The following FAM83B variants were observed in gnomAD, a reference collection of about 807,000 sequenced individuals.
The protein encoded by FAM83B is scaffolding CK1 anchoring protein B, also known as protein FAM83B.
FAM83B carries 26 observed loss-of-function variants against 38.8 expected under a neutral mutation model. That is an observed-to-expected ratio of 0.67 (90% CI 0.49 to 0.93). FAM83B has a LOEUF of 0.93. Ranked by LOEUF, FAM83B falls within the 40% of genes least tolerant of loss-of-function variation. FAM83B has a pLI of 0.00. For missense variants in FAM83B, 1,237 were observed against 1,197.3 expected, an observed-to-expected ratio of 1.03 and a Z score of -0.49; for synonymous variants, 419 against 423.1, an observed-to-expected ratio of 0.99 and a Z score of 0.12.
Position 54,944,691 on chromosome 6 carries a change from T to G in FAM83B, c.*2684T>G, listed in dbSNP as rs1773766026. 6.6e-6 allele frequency: 1 copy of G among 152,168 alleles called. No individual in the cohort carries two copies. The highest frequency in any genetic ancestry group is 1.5e-5 in the Non-Finnish European group (1 of 68,028). 9.4% of individuals were successfully genotyped at this position (152,168 alleles called of 1,614,324 possible). A position where few individuals can be genotyped will look rare whatever the true frequency, so the allele number is the denominator to read the frequency against. ...ACATATTCAAGTATCATTCCACAGA[T>G]ATTCACAGAACACAGAAATATCTGT... On this transcript the variant is annotated 3_prime_UTR_variant, in exon 5 of 5. Transcript: ENST00000306858.
At chr6:54,854,454 A>G (rs532036154) in intron 1 of FAM83B, among the ~76,000 whole-genome samples, 1 of 152,238 alleles carries the variant, frequency 6.6e-6, no homozygotes, top group South Asian at 2.1e-4. Context: ...CCCTTCAGCA[A>G]CCACCACCCT....
At chr6:54,880,878 A>G (rs1254019241) in intron 2 of FAM83B, among the ~76,000 whole-genome samples, 1 of 151,872 alleles carries the variant, frequency 6.6e-6, no homozygotes, top group Non-Finnish European at 1.5e-5. Context: ...AAATTTTCTT[A>G]CCTATTAAAT....
chr6:54,941,227 C>T lies in FAM83B; in HGVS notation c.2256C>T (p.Asn752=). The T allele has an allele frequency of 1.9e-6, 3 of 1,613,388 alleles. No homozygotes were observed. In the African/African-American group the frequency reaches 4.0e-5, roughly 22 times the overall value. Residue 752 remains asparagine, a synonymous_variant, in exon 5 of 5, where the codon AAC becomes AAT. Coordinates refer to ENST00000306858, the MANE Select transcript of FAM83B (RefSeq NM_001010872.3). ...TTGATGTGAATAAAGAGGAATCTAA[C>T]AAAGAACTTGCTTCAAAGAAGGAAG... ...ALLDVNKEES[N]KELASKKEVK...
intron 2 of FAM83B, among the ~76,000 whole-genome samples, chr6:54,913,840 A>G (rs1385396999): frequency 6.6e-6 from 1 of 151,826 alleles, no homozygotes; most frequent in African/African-American, 2.4e-5. Context: ...CTTAAAGCAA[A>G]TTTCATGCAT....
At chr6:54,868,537 C>T (rs1172033950) in intron 1 of FAM83B, among the ~76,000 whole-genome samples, 1 of 151,974 alleles carries the variant, frequency 6.6e-6, no homozygotes, top group Admixed American at 6.6e-5. Flanking sequence ...ATTTTATTTC[C>T]CCATGCGATA....
chr6:54,884,481 CAAAAA>C (rs769913282), intron 2 of FAM83B, among the ~76,000 whole-genome samples: 3 of 71,110 alleles, frequency 4.2e-5, no homozygotes, highest in Admixed American at 1.7e-4. Context: ...GACTCTGTCT[CAAAAA>C]AAAAAAAAAA....
intron 4 of FAM83B, among the ~76,000 whole-genome samples, chr6:54,933,980 C>G (rs1199128934): frequency 6.6e-6 from 1 of 152,050 alleles, no homozygotes; most frequent in Non-Finnish European, 1.5e-5. Context: ...AATGAGCTGG[C>G]CAAACATCAC....
At chr6:54,848,192 T>G (rs1771186331) in intron 1 of FAM83B, among the ~76,000 whole-genome samples, 2 of 152,034 alleles carry the variant, frequency 1.3e-5, no homozygotes, top group Non-Finnish European at 2.9e-5. Context: ...GGAGTGCAGG[T>G]CTTTGTTGCG....
intron 4 of FAM83B, among the ~76,000 whole-genome samples, chr6:54,938,770 T>C (rs1043437181): frequency 6.6e-6 from 1 of 152,212 alleles, no homozygotes; most frequent in African/African-American, 2.4e-5. Flanking sequence ...ATTATTCCTT[T>C]GTTGGATGCA....
At chr6:54,888,955 A>G (rs1471211279) in intron 2 of FAM83B, among the ~76,000 whole-genome samples, 1 of 151,882 alleles carries the variant, frequency 6.6e-6, no homozygotes, top group Non-Finnish European at 1.5e-5. Context: ...TGTTTTTTAT[A>G]ATTTTCTCTC....
chr6:54,940,062 C>T lies in FAM83B; in HGVS notation c.1091C>T (p.Pro364Leu), dbSNP rs1263448615. Residue 364 changes from proline (P) to leucine (L), a missense_variant, in exon 5 of 5, where the codon CCT becomes CTT. Coordinates refer to ENST00000306858, the MANE Select transcript of FAM83B (RefSeq NM_001010872.3). ...RSHGYKPHFV[P>L]NFNGPNAIRQ... is the part of the protein sequence containing the mutation. ...CACGGATACAAACCTCATTTTGTTCCTAACTTTAATGGTCCAAACGCAATA... is the reference window on the plus strand; with the variant it reads ...CACGGATACAAACCTCATTTTGTTCTTAACTTTAATGGTCCAAACGCAATA... The T allele has an allele frequency of 1.2e-6, 2 of 1,613,818 alleles. No individual in the cohort carries two copies. The highest frequency in any genetic ancestry group is 1.7e-5 in the Admixed American group (1 of 59,958).
chr6:54,866,461 T>G (rs1294103428), intron 1 of FAM83B, among the ~76,000 whole-genome samples: 1 of 152,140 alleles, frequency 6.6e-6, no homozygotes, highest in Non-Finnish European at 1.5e-5. Context: ...CTGATTGCCT[T>G]TTTATAGCCA....
chr6:54,916,301 A>G (rs1773036646), intron 2 of FAM83B, among the ~76,000 whole-genome samples: 1 of 152,160 alleles, frequency 6.6e-6, no homozygotes, highest in Non-Finnish European at 1.5e-5. Context: ...AAAGTACAAA[A>G]TAAGATAATA....
At chr6:54,873,106 T>C (rs1226710220) in intron 2 of FAM83B, among the ~76,000 whole-genome samples, 1 of 151,980 alleles carries the variant, frequency 6.6e-6, no homozygotes, top group Non-Finnish European at 1.5e-5. Flanking sequence ...CAAGTGATCC[T>C]CCTGCCTCAG....
At chr6:54,891,706 GCATCATCA>G (rs1772406769) in intron 2 of FAM83B, among the ~76,000 whole-genome samples, 1 of 152,114 alleles carries the variant, frequency 6.6e-6, no homozygotes, top group African/African-American at 2.4e-5. Flanking sequence ...TCTGTTAAAG[GCATCATCA>G]CATTCCTAGA....
In FAM83B at chr6:54,883,095, G is replaced by A. The variant is rs1035392109; in HGVS notation, c.444+12405G>A. On this transcript the variant is annotated intron_variant, in intron 2 of 4. Coordinates refer to ENST00000306858, the MANE Select transcript of FAM83B (RefSeq NM_001010872.3). ...TGGGACTACAGGCACCCACCACCAC[G>A]CCCGGCTAATTTTTTTGTTTTTGTA... is the stretch of plus-strand genomic sequence containing the variant. Among the ~76,000 whole-genome samples the A allele has an allele frequency of 7.2e-5, 11 of 151,870 alleles. No individual in the cohort carries two copies. In the South Asian group the frequency reaches 8.3e-4, roughly 11 times the overall value.
chr6:54,889,510 A>G (rs1380575249), intron 2 of FAM83B, among the ~76,000 whole-genome samples: 2 of 152,120 alleles, frequency 1.3e-5, no homozygotes, highest in Admixed American at 1.3e-4. Context: ...ACCAAAATCC[A>G]TGAATAGGCC....
At chr6:54,899,678 C>T (rs1772613293) in intron 2 of FAM83B, among the ~76,000 whole-genome samples, 1 of 152,022 alleles carries the variant, frequency 6.6e-6, no homozygotes, top group African/African-American at 2.4e-5. Context: ...TCTCTGATAC[C>T]AGCTTTATAA....
intron 2 of FAM83B, among the ~76,000 whole-genome samples, chr6:54,878,073 C>T (rs568996373): frequency 2.0e-5 from 3 of 152,062 alleles, no homozygotes; most frequent in South Asian, 2.1e-4. Flanking sequence ...AAAGGAAATG[C>T]GTTTCTGAGT....
Sources: allele counts gnomAD v4.1 joint callset (sites outside exome capture counted in the v4.1 genomes callset), GRCh38; gene constraint gnomAD v4.1.1; transcripts MANE v1.5; gene names NCBI Gene and HGNC (gene_info 2026-07-23, HGNC 2026-07-21).